The following DTNA variants were observed in gnomAD, a reference collection of about 807,000 sequenced individuals.
DTNA encodes dystrophin-related protein 3.
A neutral mutation model predicts 100.7 loss-of-function variants in DTNA; 43 were observed. That is an observed-to-expected ratio of 0.43 (90% CI 0.33 to 0.55). The LOEUF (loss-of-function observed/expected upper bound fraction) is 0.55. DTNA is among the 20% of genes least tolerant of loss of function. DTNA has a pLI of 0.04. For missense variants in DTNA, 798 were observed against 953.9 expected, an observed-to-expected ratio of 0.84 and a Z score of 2.15; for synonymous variants, 349 against 347.9, an observed-to-expected ratio of 1.00 and a Z score of -0.04.
chr18:34,714,707 C>G (rs1349197071), intron 1 of DTNA, among the ~76,000 whole-genome samples: 1 of 151,852 alleles, frequency 6.6e-6, no homozygotes, highest in Non-Finnish European at 1.5e-5. Flanking sequence ...CTAGAAATAC[C>G]ATTTGACCCA....
At chr18:34,861,314 T>A (rs543008797) in intron 16 of DTNA, among the ~76,000 whole-genome samples, 37 of 151,588 alleles carry the variant, frequency 2.4e-4, no homozygotes, top group African/African-American at 8.7e-4. Flanking sequence ...TGAAACCCCG[T>A]CTCTACTAAA....
chr18:34,774,203 C>T (rs2148664922), intron 3 of DTNA, among the ~76,000 whole-genome samples: 1 of 152,332 alleles, frequency 6.6e-6, no homozygotes, highest in East Asian at 1.9e-4. Context: ...TAACAGGTGC[C>T]AAGGCAAGAT....
intron 17 of DTNA, among the ~76,000 whole-genome samples, chr18:34,871,540 A>G (rs944673187): frequency 6.6e-6 from 1 of 152,186 alleles, no homozygotes; most frequent in African/African-American, 2.4e-5. Context: ...AAGGATATTC[A>G]CAGAGATTAT....
intron 1 of DTNA, among the ~76,000 whole-genome samples, chr18:34,591,792 T>A (rs1177681043): frequency 1.3e-5 from 2 of 152,172 alleles, no homozygotes; most frequent in Admixed American, 1.3e-4. Flanking sequence ...TTGATCTTTT[T>A]AAAAGACATC....
chr18:34,637,313 C>T (rs1258604706), intron 1 of DTNA, among the ~76,000 whole-genome samples: 1 of 152,124 alleles, frequency 6.6e-6, no homozygotes, highest in Admixed American at 6.5e-5. Context: ...AGTTCATTGC[C>T]CCCTTCACAG....
intron 1 of DTNA, among the ~76,000 whole-genome samples, chr18:34,577,066 G>T (rs1321433008): frequency 1.3e-5 from 2 of 152,110 alleles, no homozygotes; most frequent in South Asian, 2.1e-4. Flanking sequence ...GAAATAAAGG[G>T]CCTCAAAAGG....
intron 1 of DTNA, among the ~76,000 whole-genome samples, chr18:34,653,146 C>T (rs193181931): frequency 6.6e-6 from 1 of 152,234 alleles, no homozygotes; most frequent in East Asian, 1.9e-4. Context: ...AACTGTATCA[C>T]CACTGCTATC....
intron 3 of DTNA, among the ~76,000 whole-genome samples, chr18:34,788,565 C>G (rs1303516769): frequency 1.3e-5 from 2 of 152,166 alleles, no homozygotes; most frequent in Non-Finnish European, 2.9e-5. Context: ...GGTTCCTGCA[C>G]CTTCTGCACT....
Position 34,547,261 on chromosome 18 carries a change from A to G in DTNA, c.-2+53747A>G, listed in dbSNP as rs754819344. On this transcript the variant is annotated intron_variant, in intron 1 of 19. Transcript: ENST00000283365. ...TTCAACATCATAGAGAGCTATTGTT[A>G]TATTATAATGATACTTTTTAAAATT... Among the ~76,000 whole-genome samples the G allele has an allele frequency of 9.9e-4, 151 of 151,926 alleles. 4 individuals are homozygous for G. Among genetic ancestry groups the G allele is most frequent in the Non-Finnish European group, 2.1e-4 (14 of 68,016 alleles).
At chr18:34,821,595 G>A (rs2095719329) in intron 9 of DTNA, 1 of 442,360 alleles carries the variant, frequency 2.3e-6, no homozygotes, top group Admixed American at 2.5e-5. Flanking sequence ...AAGATAACAA[G>A]GGGGCTTAGG....
chr18:34,635,578 A>G (rs777126467), intron 1 of DTNA, among the ~76,000 whole-genome samples: 78 of 151,994 alleles, frequency 5.1e-4, no homozygotes, highest in Non-Finnish European at 6.9e-4. Context: ...CTCATACTTC[A>G]TATATATCCT....
intron 1 of DTNA, among the ~76,000 whole-genome samples, chr18:34,511,920 C>T (rs1020959591): frequency 2.0e-5 from 3 of 151,954 alleles, no homozygotes; most frequent in African/African-American, 4.8e-5. Flanking sequence ...GTGAAATTGG[C>T]TTGAGCTTCC....
At chr18:34,643,575 A>T (rs2059527346) in intron 1 of DTNA, among the ~76,000 whole-genome samples, 1 of 152,232 alleles carries the variant, frequency 6.6e-6, no homozygotes, top group Non-Finnish European at 1.5e-5. Context: ...TGTTTTGAGA[A>T]TATATTCATT....
At chr18:34,518,633 A>G (rs370538326) in intron 1 of DTNA, among the ~76,000 whole-genome samples, 94 of 148,434 alleles carry the variant, frequency 6.3e-4, no homozygotes, top group African/African-American at 1.7e-3. Flanking sequence ...TGTTTTGCCT[A>G]TGAATGTCCA....
At chr18:34,643,239 G>T (rs2059490217) in intron 1 of DTNA, among the ~76,000 whole-genome samples, 1 of 152,082 alleles carries the variant, frequency 6.6e-6, no homozygotes, top group African/African-American at 2.4e-5. Flanking sequence ...AGAGCCCATG[G>T]GTTCTTAGCC....
chr18:34,818,510 A>G, intron 8 of DTNA, 180 bp downstream of exon 8: 1 of 1,492,032 alleles, frequency 6.7e-7, no homozygotes, highest in South Asian at 1.3e-5. Flanking sequence ...ATTCTGTTGG[A>G]ACCCAGTGTA....
At chr18:34,596,946 G>A (rs2050745295) in intron 1 of DTNA, among the ~76,000 whole-genome samples, 1 of 151,928 alleles carries the variant, frequency 6.6e-6, no homozygotes, top group Non-Finnish European at 1.5e-5. Flanking sequence ...GTGGTTTGCT[G>A]CACCCGTCAA....
At chr18:34,556,116 A>G (rs2046012545) in intron 1 of DTNA, among the ~76,000 whole-genome samples, 1 of 151,246 alleles carries the variant, frequency 6.6e-6, no homozygotes, top group Non-Finnish European at 1.5e-5. Flanking sequence ...TCCCTTTACC[A>G]TTATGTAATG....
At chr18:34,710,676 G>C (rs920280732) in intron 1 of DTNA, among the ~76,000 whole-genome samples, 4 of 91,744 alleles carry the variant, frequency 4.4e-5, no homozygotes, top group Admixed American at 3.6e-4. Context: ...GTGTGTGGGA[G>C]TGTGTGTGTG....
Sources: allele counts gnomAD v4.1 joint callset (sites outside exome capture counted in the v4.1 genomes callset), GRCh38; gene constraint gnomAD v4.1.1; transcripts MANE v1.5; gene names NCBI Gene and HGNC (gene_info 2026-07-23, HGNC 2026-07-21).